The following ARID1A variants were observed in gnomAD, a reference collection of about 807,000 sequenced individuals.
ARID1A encodes AT-rich interactive domain-containing protein 1A.
ARID1A carries 20 observed loss-of-function variants against 212.6 expected under a neutral mutation model. That is an observed-to-expected ratio of 0.09 (90% CI 0.07 to 0.14). The LOEUF is 0.14. Among genes scored for constraint, ARID1A ranks in the 10% least tolerant of loss-of-function variants. ARID1A has a pLI of 1.00. For missense variants in ARID1A, 2,587 were observed against 3,059.0 expected, an observed-to-expected ratio of 0.85 and a Z score of 3.64; for synonymous variants, 1,376 against 1,222.1, an observed-to-expected ratio of 1.13 and a Z score of -2.63.
chr1:26,700,123 T>A (rs989437230), intron 1 of ARID1A, among the ~76,000 whole-genome samples: 2 of 152,204 alleles, frequency 1.3e-5, no homozygotes, highest in Non-Finnish European at 2.9e-5. Flanking sequence ...CAGCTTCCAC[T>A]TCTGTGGACT....
In ARID1A at chr1:26,696,317, CG is replaced by C. The variant is rs1220373516; in HGVS notation, c.-82del. Reference sequence around the variant, plus strand: ...GCCCGGGCGGGTGGGGAGGGCAGCCCGGGGGACTGGGCCCCGGGGCGGGGTG... The same window carrying C: ...GCCCGGGCGGGTGGGGAGGGCAGCCCGGGGACTGGGCCCCGGGGCGGGGTG... On this transcript the variant is annotated 5_prime_UTR_variant, in exon 1 of 20. Transcript: ENST00000324856. 2 of 1,053,804 alleles carry C rather than the reference CG, an allele frequency of 1.9e-6. No homozygotes were observed. Among genetic ancestry groups the C allele is most frequent in the Non-Finnish European group, 2.2e-6 (2 of 889,772 alleles). The allele number at this position is 1,053,804 out of a possible 1,614,324, so 65.3% of individuals were successfully genotyped here.
chr1:26,775,351 G>A, intron 18 of ARID1A, 131 bp downstream of exon 18: 1 of 1,433,878 alleles, frequency 7.0e-7, no homozygotes, highest in Non-Finnish European at 9.1e-7. Context: ...AAAGAACTTT[G>A]GAAAAGGAAG....
In ARID1A at chr1:26,732,693, A is replaced by T. The variant is rs1021663461; in HGVS notation, c.1821A>T (p.Ser607=). 1 of 1,613,578 alleles carries T rather than the reference A, an allele frequency of 6.2e-7. No homozygotes were observed. The highest frequency in any genetic ancestry group is 1.3e-5 in the African/African-American group (1 of 74,892). The change falls in exon 4 of 20, where the codon TCA becomes TCT. Residue 607 remains serine, a synonymous_variant. Transcript: ENST00000324856. ...FPPPQELSQD[S]FGSQASSAPS... ...TGTTGTAGGAGCTATCTCAAGATTC[A>T]TTTGGGTCTCAGGCATCCTCAGCCC...
At chr1:26,770,845 C>A (rs2081077319) in intron 11 of ARID1A, 2 of 430,996 alleles carry the variant, frequency 4.6e-6, no homozygotes, top group African/African-American at 4.0e-5. Flanking sequence ...AAAAACCGGA[C>A]TCTGAATTCT....
At chr1:26,765,376 T>C (rs2081029553) in intron 8 of ARID1A, 2 of 148,422 alleles carry the variant, frequency 1.3e-5, no homozygotes, top group African/African-American at 5.0e-5. Context: ...TAGTCCCAGC[T>C]ACTTGGGAGG....
At chr1:26,710,297 G>C (rs1221957529) in intron 1 of ARID1A, among the ~76,000 whole-genome samples, 5 of 151,418 alleles carry the variant, frequency 3.3e-5, no homozygotes, top group African/African-American at 1.2e-4. Flanking sequence ...AGCTAGGCGT[G>C]GTGGCGGATG....
chr1:26,761,712 A>T (rs1490064094), intron 6 of ARID1A, among the ~76,000 whole-genome samples: 11 of 152,208 alleles, frequency 7.2e-5, no homozygotes, highest in African/African-American at 2.7e-4. Flanking sequence ...ATATAATCTC[A>T]AACACTTATT....
chr1:26,774,037 G>GC lies in ARID1A; in HGVS notation c.4101+141dup. 8.6e-7 allele frequency: 1 copy of GC among 1,167,940 alleles called. No individual in the cohort carries two copies. The highest frequency in any genetic ancestry group is 2.5e-5 in the East Asian group (1 of 40,350). 72.3% of individuals were successfully genotyped at this position (1,167,940 alleles called of 1,614,324 possible). ...TTCTCTCACCTGACTGGCCAGTCCT[G>GC]CCTGAAGAGCCACGTCCTCAATCTC... On this transcript the variant is annotated intron_variant, in intron 17 of 19. Coordinates refer to ENST00000324856, the MANE Select transcript of ARID1A (RefSeq NM_006015.6). This position sits in a 1 kb window ranked among gnomAD's most constrained non-coding sequence, Gnocchi z 5.6.
rs774978648 is a variant in ARID1A at position 26,773,915 on chromosome 1, G to A, written c.4101+17G>A. The A allele has an allele frequency of 2.5e-6, 4 of 1,610,924 alleles. No individual in the cohort carries two copies. Among genetic ancestry groups the A allele is most frequent in the Non-Finnish European group, 3.4e-6 (4 of 1,177,170 alleles). On this transcript the variant is annotated intron_variant, in intron 17 of 19. Coordinates refer to ENST00000324856, the MANE Select transcript of ARID1A (RefSeq NM_006015.6). ...CAACAGCAGGTGAGGAGGGTAGCTG[G>A]GAATGGACTGGCATGCAGGTTCGCC...
At position 26,772,543 on chromosome 1, in the gene ARID1A, C is replaced by G. The variant is rs769905318; in HGVS notation, c.3450C>G (p.Thr1150=). The change falls in exon 13 of 20, where the codon ACC becomes ACG. Residue 1150 remains threonine, a synonymous_variant. Transcript: ENST00000324856. Reference sequence around the variant, plus strand: ...AGGGGCCCCAGACTCCCCAGTCAACCAGCAGTTCCATGGCAGAAGGAGGAG... The same window carrying G: ...AGGGGCCCCAGACTCCCCAGTCAACGAGCAGTTCCATGGCAGAAGGAGGAG... ...SMQGPQTPQS[T]SSSMAEGGDL... The G allele has an allele frequency of 3.7e-6, 6 of 1,614,210 alleles. No individual in the cohort carries two copies. In the East Asian group the frequency reaches 1.3e-4, roughly 36 times the overall value.
chr1:26,765,478 A>G (rs1288689571), intron 8 of ARID1A: 1 of 149,650 alleles, frequency 6.7e-6, no homozygotes. Flanking sequence ...ACAGAGCGAG[A>G]CTCCATCTCA....
intron 1 of ARID1A, among the ~76,000 whole-genome samples, chr1:26,710,494 T>TACATACACACACACAC (rs113290668): frequency 3.8e-5 from 5 of 131,426 alleles, no homozygotes; most frequent in African/African-American, 1.5e-4. Context: ...AAATAATACA[T>TACATACACACACACAC]ACACACACAC....
intron 4 of ARID1A, among the ~76,000 whole-genome samples, chr1:26,749,852 A>C (rs748569504): frequency 2.6e-5 from 4 of 152,154 alleles, no homozygotes; most frequent in Non-Finnish European, 4.4e-5. Context: ...TGATACCAGC[A>C]CCCAAGAGCC....
At position 26,732,808 on chromosome 1, in the gene ARID1A, C is replaced by T. The variant is rs1323335172; in HGVS notation, c.1920+16C>T. ...CAGCTTGCCTGTGAGTATTTCTGCA[C>T]CTTCTGAAAGGTGATAGGGGCAGAG... On this transcript the variant is annotated intron_variant, in intron 4 of 19. Coordinates refer to ENST00000324856, the MANE Select transcript of ARID1A (RefSeq NM_006015.6). 2.5e-6 allele frequency: 4 copies of T among 1,596,932 alleles called. No homozygotes were observed. Among genetic ancestry groups the T allele is most frequent in the Non-Finnish European group, 3.4e-6 (4 of 1,164,842 alleles).
chr1:26,706,100 C>G (rs935946884), intron 1 of ARID1A, among the ~76,000 whole-genome samples: 1 of 152,094 alleles, frequency 6.6e-6, no homozygotes, highest in Non-Finnish European at 1.5e-5. Context: ...CTCTGCAGGC[C>G]CAAAGCGCTG....
At chr1:26,729,621 C>G (rs750960442) in intron 1 of ARID1A, 30 bp from the exon 2 acceptor site, 3 of 1,610,084 alleles carry the variant, frequency 1.9e-6, no homozygotes, top group East Asian at 2.2e-5. Flanking sequence ...CATCAAAGCT[C>G]AGGTTAATGA....
Position 26,771,704 on chromosome 1 carries a change from T to G in ARID1A, c.3406+378T>G. On this transcript the variant is annotated intron_variant, in intron 12 of 19. Coordinates refer to ENST00000324856, the MANE Select transcript of ARID1A (RefSeq NM_006015.6). The surrounding 1 kb of genome is among the most constrained non-coding windows in gnomAD (Gnocchi z 5.4). Reference sequence around the variant, plus strand: ...ATGCAGCTCAGACTAGAGCCCTGAATTCCCCAGGGAGCTGAGATGGTAATG... The same window carrying G: ...ATGCAGCTCAGACTAGAGCCCTGAAGTCCCCAGGGAGCTGAGATGGTAATG... The G allele has an allele frequency of 1.3e-5, 3 of 234,294 alleles. No individual in the cohort carries two copies. The highest frequency in any genetic ancestry group is 2.5e-5 in the Non-Finnish European group (3 of 117,806). The allele number at this position is 234,294 out of a possible 1,614,324, so 14.5% of individuals were successfully genotyped here.
Position 26,696,952 on chromosome 1 carries a change from G to A in ARID1A, c.549G>A (p.Ala183=), listed in dbSNP as rs775874271. ...HGGQQSPGLA[A]LQSGGGGGLE... is the part of the protein sequence containing the mutation. ...GACAACAAAGCCCTGGCCTGGCAGC[G>A]CTGCAGAGCGGCGGCGGCGGGGGCC... is the stretch of plus-strand genomic sequence containing the variant. Residue 183 remains alanine (A), a synonymous_variant, in exon 1 of 20, where the codon GCG becomes GCA. Transcript: ENST00000324856. 8.2e-6 allele frequency: 12 copies of A among 1,463,162 alleles called. No individual in the cohort carries two copies. Among genetic ancestry groups the A allele is most frequent in the African/African-American group, 7.4e-5 (5 of 67,156 alleles). 90.6% of individuals were successfully genotyped at this position (1,463,162 alleles called of 1,614,324 possible).
intron 1 of ARID1A, among the ~76,000 whole-genome samples, chr1:26,703,926 T>G (rs2080362762): frequency 6.6e-6 from 1 of 152,214 alleles, no homozygotes; most frequent in Admixed American, 6.5e-5. Flanking sequence ...CCACACTAAT[T>G]ATGTGAGCTG....
Sources: gnomAD v4.1 joint callset for allele counts (sites outside exome capture counted in the v4.1 genomes callset) on GRCh38, gnomAD v4.1.1 for gene constraint, Gnocchi (gnomAD v3.1) non-coding constraint, MANE v1.5 for transcripts, NCBI Gene and HGNC (gene_info 2026-07-23, HGNC 2026-07-21) for gene names.